NELL2: variants seen among roughly 807,000 people sequenced by gnomAD.
The protein encoded by NELL2 is neural EGFL like 2, also known as protein kinase C-binding protein NELL2.
A neutral mutation model predicts 109.6 loss-of-function variants in NELL2; 41 were observed. The ratio of observed to expected loss-of-function variants is 0.37; its 90% CI spans 0.29 to 0.49. The LOEUF is 0.49. Among genes scored for constraint, NELL2 ranks in the 20% least tolerant of loss-of-function variants. The pLI is 0.98. For missense variants in NELL2, 900 were observed against 1,008.3 expected, an observed-to-expected ratio of 0.89 and a Z score of 1.45; for synonymous variants, 355 against 344.7, an observed-to-expected ratio of 1.03 and a Z score of -0.33.
chr12:44,541,464 A>G (rs1420268947), intron 15 of NELL2, among the ~76,000 whole-genome samples: 1 of 152,078 alleles, frequency 6.6e-6, no homozygotes, highest in African/African-American at 2.4e-5. Context: ...CAATGTTAAG[A>G]CTTGGAGGAT....
intron 9 of NELL2, among the ~76,000 whole-genome samples, chr12:44,761,301 G>C (rs868381578): frequency 1.7e-4 from 26 of 152,294 alleles, no homozygotes; most frequent in African/African-American, 6.3e-4. Flanking sequence ...CCGGGAGGCG[G>C]AGGTTGCGGT....
intron 2 of NELL2, among the ~76,000 whole-genome samples, chr12:44,832,957 T>C (rs902327065): frequency 6.6e-6 from 1 of 152,152 alleles, no homozygotes. Context: ...GTTTGAGTAT[T>C]TTCTTAGCAA....
intron 3 of NELL2, among the ~76,000 whole-genome samples, chr12:44,789,340 T>C (rs1345015788): frequency 6.6e-6 from 1 of 152,126 alleles, no homozygotes; most frequent in Non-Finnish European, 1.5e-5. Context: ...AGCTCAGAGC[T>C]GGGTAGACTT....
At chr12:44,564,072 A>G (rs137860242) in intron 15 of NELL2, among the ~76,000 whole-genome samples, 173 of 152,346 alleles carry the variant, frequency 1.1e-3, no homozygotes, top group African/African-American at 3.7e-3. Context: ...ATAATATATG[A>G]TGGAACATTT....
intron 1 of NELL2, among the ~76,000 whole-genome samples, chr12:44,882,092 T>C (rs796806690): frequency 5.3e-5 from 8 of 151,982 alleles, no homozygotes; most frequent in African/African-American, 1.7e-4. Flanking sequence ...CTTTAAAAAC[T>C]GATTGCCAAT....
intron 2 of NELL2, among the ~76,000 whole-genome samples, chr12:44,867,241 A>G (rs554042283): frequency 6.6e-6 from 1 of 152,336 alleles, no homozygotes; most frequent in African/African-American, 2.4e-5. Context: ...ACGAAATACT[A>G]GCAAACCAAA....
chr12:44,578,090 A>G (rs937294955), intron 15 of NELL2, among the ~76,000 whole-genome samples: 1 of 152,176 alleles, frequency 6.6e-6, no homozygotes, highest in Non-Finnish European at 1.5e-5. Context: ...AATGTAGTTC[A>G]GTAAGTATCT....
At position 44,830,076 on chromosome 12, in the gene NELL2, A is replaced by G. The variant is rs367756953; in HGVS notation, c.185-13940T>C. Among the ~76,000 whole-genome samples, 16 of 152,344 alleles carry G rather than the reference A, an allele frequency of 1.1e-4. No individual in the cohort carries two copies. The South Asian group carries it at 1.2e-3, about 12-fold the overall frequency. Reference sequence around the variant, plus strand: ...ATTAGCATAAAAAGAAGAAAACAAGATGAAGGTAAGATTTCTATTATATAT... The same window carrying G: ...ATTAGCATAAAAAGAAGAAAACAAGGTGAAGGTAAGATTTCTATTATATAT... On this transcript the variant is annotated intron_variant, in intron 2 of 19. Coordinates refer to ENST00000429094, the MANE Select transcript of NELL2 (RefSeq NM_001145108.2).
chr12:44,517,371 TTCTC>T (rs71093810), intron 19 of NELL2, among the ~76,000 whole-genome samples: 9,025 of 102,362 alleles, frequency 0.088, 481 homozygotes, highest in East Asian at 0.2. Context: ...ACCAACTACT[TTCTC>T]TCTCTCTCTC....
chr12:44,856,937 A>C (rs1418182029), intron 2 of NELL2, among the ~76,000 whole-genome samples: 3 of 152,220 alleles, frequency 2.0e-5, no homozygotes, highest in Non-Finnish European at 4.4e-5. Flanking sequence ...AGGCTACTGC[A>C]GTAATCCAAG....
rs554897908 is a variant in NELL2, at chr12:44,801,696, A to G, written c.335+14290T>C. Among the ~76,000 whole-genome samples, 9 of 152,278 alleles carry G rather than the reference A, an allele frequency of 5.9e-5. No individual in the cohort carries two copies. In the South Asian group the frequency reaches 1.9e-3, roughly 32 times the overall value. ...TTAATGAGATTAATCCATATAAGGAATTTAGGGAACTGCCTGACACAGGGT... is the reference window on the plus strand; with the variant it reads ...TTAATGAGATTAATCCATATAAGGAGTTTAGGGAACTGCCTGACACAGGGT... On this transcript the variant is annotated intron_variant, in intron 3 of 19. Coordinates refer to ENST00000429094, the MANE Select transcript of NELL2 (RefSeq NM_001145108.2).
intron 3 of NELL2, among the ~76,000 whole-genome samples, chr12:44,784,417 A>G (rs1942084100): frequency 6.6e-6 from 1 of 152,096 alleles, no homozygotes; most frequent in African/African-American, 2.4e-5. Flanking sequence ...ATCTTGGCAG[A>G]TTATATGATA....
chr12:44,692,468 C>T (rs1948932342), intron 12 of NELL2, among the ~76,000 whole-genome samples: 2 of 152,148 alleles, frequency 1.3e-5, no homozygotes, highest in South Asian at 4.1e-4. Flanking sequence ...ATCCATTCTA[C>T]AGCTCATGAA....
At chr12:44,811,567 T>G (rs184359773) in intron 3 of NELL2, among the ~76,000 whole-genome samples, 1 of 152,160 alleles carries the variant, frequency 6.6e-6, no homozygotes, top group East Asian at 1.9e-4. Flanking sequence ...GATAGGTCAC[T>G]GTGCCTGGCT....
intron 3 of NELL2, among the ~76,000 whole-genome samples, chr12:44,791,107 A>ACG (rs1942390745): frequency 4.4e-5 from 1 of 22,678 alleles, no homozygotes; most frequent in African/African-American, 2.0e-4. Flanking sequence ...GTATATATAT[A>ACG]TGTATATATA....
At chr12:44,768,232 A>T (rs1941410760) in intron 9 of NELL2, among the ~76,000 whole-genome samples, 1 of 152,148 alleles carries the variant, frequency 6.6e-6, no homozygotes, top group Non-Finnish European at 1.5e-5. Flanking sequence ...ATATATTGCC[A>T]ATTCGGTATT....
At chr12:44,596,610 T>C (rs1944975139) in intron 15 of NELL2, among the ~76,000 whole-genome samples, 3 of 152,162 alleles carry the variant, frequency 2.0e-5, no homozygotes, top group Non-Finnish European at 2.9e-5. Flanking sequence ...AAACTACTAT[T>C]ATTTTTTGGA....
intron 2 of NELL2, among the ~76,000 whole-genome samples, chr12:44,860,354 T>G (rs546033928): frequency 2.0e-5 from 3 of 152,214 alleles, no homozygotes; most frequent in African/African-American, 7.2e-5. Flanking sequence ...TATATATTAG[T>G]TTTCTATTTC....
intron 15 of NELL2, among the ~76,000 whole-genome samples, chr12:44,579,313 G>A (rs894622532): frequency 2.0e-5 from 3 of 152,146 alleles, no homozygotes; most frequent in South Asian, 4.1e-4. Context: ...CTAATTATAG[G>A]TGAGATCAGA....
Sources: gnomAD v4.1 joint callset for allele counts (sites outside exome capture counted in the v4.1 genomes callset) on GRCh38, gnomAD v4.1.1 for gene constraint, MANE v1.5 for transcripts, NCBI Gene and HGNC (gene_info 2026-07-23, HGNC 2026-07-21) for gene names.